Variants in CAPZA2 observed in about 807,000 individuals in gnomAD.
CAPZA2 encodes capping actin protein of muscle Z-line subunit alpha 2.
A neutral mutation model predicts 44.0 loss-of-function variants in CAPZA2; 13 were observed. The observed-to-expected ratio is 0.30, with a 90% CI of 0.19 to 0.47. CAPZA2 has a LOEUF of 0.47. Ranked by LOEUF, CAPZA2 falls within the 20% of genes least tolerant of loss-of-function variation. The probability of loss-of-function intolerance (pLI) is 1.00; values close to 1 mark genes in which losing one functional copy is unlikely to be tolerated. For synonymous variants in CAPZA2, 94 were observed against 108.2 expected, an observed-to-expected ratio of 0.87 and a Z score of 0.81; for missense variants, 244 against 338.6, an observed-to-expected ratio of 0.72 and a Z score of 2.19.
chr7:116,885,818 C>T (rs1044594501), intron 1 of CAPZA2, among the ~76,000 whole-genome samples: 5 of 152,086 alleles, frequency 3.3e-5, no homozygotes, highest in African/African-American at 9.7e-5. Flanking sequence ...TCAGCTCTTC[C>T]GAAGCTCTCC....
In CAPZA2 at chr7:116,875,592, G is replaced by A. The variant is rs1338564657; in HGVS notation, c.40-12535G>A. 4.0e-5 allele frequency: 6 copies of A among 151,794 alleles called. No individual in the cohort carries two copies. In the East Asian group the frequency reaches 1.2e-3, roughly 29 times the overall value. The allele number at this position is 151,794 out of a possible 1,614,324, so 9.4% of individuals were successfully genotyped here. On this transcript the variant is annotated intron_variant, in intron 1 of 9. Transcript: ENST00000361183. ...GACAGGGTCTTGCTCTGTCAGCCAA[G>A]CTGGAGTGTAGTTTCACAGTCATGG...
At chr7:116,864,976 C>T (rs1462837014) in intron 1 of CAPZA2, among the ~76,000 whole-genome samples, 1 of 152,056 alleles carries the variant, frequency 6.6e-6, no homozygotes, top group East Asian at 1.9e-4. Flanking sequence ...TAGTACCATA[C>T]TTTATATATG....
At chr7:116,862,850 C>T (rs1796434949) in intron 1 of CAPZA2, among the ~76,000 whole-genome samples, 200 bp downstream of exon 1, 1 of 152,068 alleles carries the variant, frequency 6.6e-6, no homozygotes, top group Middle Eastern at 3.4e-3. Context: ...AGGTCTCTGC[C>T]AGGCCTGCTC....
Position 116,880,650 on chromosome 7 carries a change from G to A in CAPZA2, c.40-7477G>A, listed in dbSNP as rs892607668. Among the ~76,000 whole-genome samples the A allele has an allele frequency of 5.8e-5, 8 of 137,560 alleles. 1 individual carries two copies. Among genetic ancestry groups the A allele is most frequent in the African/African-American group, 2.2e-4 (8 of 36,726 alleles). 90.2% of individuals were successfully genotyped at this position (137,560 alleles called of 152,430 possible). ...GACCTCAAGTGATCCACCCGCCTCGGCCTCCCAAAGTGCTGGGATTATAGG... is the reference window on the plus strand; with the variant it reads ...GACCTCAAGTGATCCACCCGCCTCGACCTCCCAAAGTGCTGGGATTATAGG... On this transcript the variant is annotated intron_variant, in intron 1 of 9. Coordinates refer to ENST00000361183, the MANE Select transcript of CAPZA2 (RefSeq NM_006136.3).
At chr7:116,896,735 G>A (rs1241340829) in intron 3 of CAPZA2, among the ~76,000 whole-genome samples, 1 of 152,136 alleles carries the variant, frequency 6.6e-6, no homozygotes, top group Non-Finnish European at 1.5e-5. Flanking sequence ...ACCGTGTCTA[G>A]TAGAATGCTT....
Position 116,920,376 on chromosome 7 carries a change from G to A in CAPZA2, c.*2509G>A, listed in dbSNP as rs1652029282. The A allele has an allele frequency of 6.6e-6, 1 of 152,290 alleles. No homozygotes were observed. Among genetic ancestry groups the A allele is most frequent in the Admixed American group, 6.5e-5 (1 of 15,272 alleles). 9.4% of individuals were successfully genotyped at this position (152,290 alleles called of 1,614,324 possible). A position where few individuals can be genotyped will look rare whatever the true frequency, so the allele number is the denominator to read the frequency against. ...GCTGCTTTGCTGAGTAGGCTGAAGT[G>A]TGGTGGCAAAGGCATAATCAGGGAG... On this transcript the variant is annotated 3_prime_UTR_variant, in exon 10 of 10. Transcript: ENST00000361183.
chr7:116,917,857 A>G lies in CAPZA2; in HGVS notation c.851A>G (p.Gln284Arg). The G allele has an allele frequency of 6.2e-7, 1 of 1,612,938 alleles. No individual in the cohort carries two copies. Among genetic ancestry groups the G allele is most frequent in the Non-Finnish European group, 8.5e-7 (1 of 1,178,940 alleles). The change falls in exon 10 of 10, where the codon CAG (glutamine) becomes CGG (arginine). Residue 284 changes from glutamine to arginine, a missense_variant. Coordinates refer to ENST00000361183, the MANE Select transcript of CAPZA2 (RefSeq NM_006136.3). Reference sequence around the variant, plus strand: ...AGCTACAAGATTGGCAAAGAGATGCAGAATGCATAAGATGAACATTGCATG... The same window carrying G: ...AGCTACAAGATTGGCAAAGAGATGCGGAATGCATAAGATGAACATTGCATG... ...ILSYKIGKEMQNA is the reference protein window; with the variant it reads ...ILSYKIGKEMRNA
chr7:116,881,363 G>T (rs188313133), intron 1 of CAPZA2, among the ~76,000 whole-genome samples: 22 of 152,250 alleles, frequency 1.4e-4, no homozygotes, highest in African/African-American at 5.3e-4. Flanking sequence ...GAGAAACCAT[G>T]CAACCTCAGA....
intron 1 of CAPZA2, among the ~76,000 whole-genome samples, chr7:116,863,794 G>A (rs1360567181): frequency 1.3e-5 from 2 of 151,876 alleles, no homozygotes; most frequent in African/African-American, 4.8e-5. Flanking sequence ...GGTATGTTGT[G>A]GTGTTTAAGA....
rs777393820 is a variant in CAPZA2 at position 116,916,046 on chromosome 7, T to A, written c.658-14T>A. ...TTTAAATTACTATTTTTATTTTGTT[T>A]TTTTTTTTTTCAGAATGAAGTGCAA... On this transcript the variant is annotated splice_polypyrimidine_tract_variant and intron_variant, in intron 8 of 9. Coordinates refer to ENST00000361183, the MANE Select transcript of CAPZA2 (RefSeq NM_006136.3). 6.7e-7 allele frequency: 1 copy of A among 1,488,710 alleles called. No homozygotes were observed. The highest frequency in any genetic ancestry group is 2.4e-5 in the Admixed American group (1 of 42,044). 92.2% of individuals were successfully genotyped at this position (1,488,710 alleles called of 1,614,324 possible).
At chr7:116,901,150 T>G (rs958328719) in intron 4 of CAPZA2, among the ~76,000 whole-genome samples, 3 of 152,082 alleles carry the variant, frequency 2.0e-5, no homozygotes, top group African/African-American at 7.2e-5. Context: ...AGCAATCCCA[T>G]TACTGGTTAT....
At chr7:116,904,492 T>C (rs1024027421) in intron 5 of CAPZA2, 109 bp downstream of exon 5, 6 of 678,370 alleles carry the variant, frequency 8.8e-6, no homozygotes, top group Non-Finnish European at 1.5e-5. Flanking sequence ...AATTTGTCAT[T>C]TTTTTCCTTA....
intron 1 of CAPZA2, among the ~76,000 whole-genome samples, chr7:116,869,875 G>C (rs1258974920): frequency 6.7e-6 from 1 of 150,032 alleles, no homozygotes; most frequent in Non-Finnish European, 1.5e-5. Flanking sequence ...TTTTTGTTTT[G>C]TTTTGTTTTT....
intron 2 of CAPZA2, among the ~76,000 whole-genome samples, chr7:116,888,984 T>A (rs895267867): frequency 5.3e-5 from 8 of 152,230 alleles, no homozygotes; most frequent in Non-Finnish European, 1.0e-4. Flanking sequence ...TCATCCTGCA[T>A]AGAGCATGAT....
intron 4 of CAPZA2, among the ~76,000 whole-genome samples, chr7:116,901,887 G>A (rs1045420492): frequency 5.3e-5 from 8 of 149,962 alleles, no homozygotes; most frequent in Non-Finnish European, 1.0e-4. Flanking sequence ...AGAAATGTGT[G>A]TGTGTGTGTG....
intron 4 of CAPZA2, among the ~76,000 whole-genome samples, chr7:116,902,677 TC>T (rs2059158150): frequency 6.6e-6 from 1 of 152,096 alleles, no homozygotes; most frequent in Non-Finnish European, 1.5e-5. Context: ...AATAAAAGGA[TC>T]CAATGGAAAT....
chr7:116,902,152 G>A (rs2115954214), intron 4 of CAPZA2, among the ~76,000 whole-genome samples: 2 of 152,106 alleles, frequency 1.3e-5, no homozygotes, highest in South Asian at 4.1e-4. Context: ...AAATTAAGTT[G>A]GACCTCTGTC....
intron 3 of CAPZA2, 143 bp downstream of exon 3, chr7:116,893,188 TG>T: frequency 2.1e-6 from 1 of 482,692 alleles, no homozygotes; most frequent in Non-Finnish European, 3.7e-6. Flanking sequence ...TGGAGTTCAG[TG>T]GTGCGATCTC....
chr7:116,897,451 A>G (rs1228710542), intron 3 of CAPZA2, among the ~76,000 whole-genome samples: 1 of 152,110 alleles, frequency 6.6e-6, no homozygotes, highest in Non-Finnish European at 1.5e-5. Flanking sequence ...TGCTATTTTT[A>G]CATTTACTAG....
Sources: gnomAD v4.1 joint callset for allele counts (sites outside exome capture counted in the v4.1 genomes callset) on GRCh38, gnomAD v4.1.1 for gene constraint, MANE v1.5 for transcripts, NCBI Gene and HGNC (gene_info 2026-07-23, HGNC 2026-07-21) for gene names.